The following PDE1A variants were observed in gnomAD, a reference collection of about 807,000 sequenced individuals.
PDE1A encodes phosphodiesterase 1A.
A neutral mutation model predicts 61.7 loss-of-function variants in PDE1A; 35 were observed. The observed-to-expected ratio is 0.57, with a 90% CI of 0.43 to 0.75. PDE1A has a LOEUF of 0.75. PDE1A is among the 30% of genes least tolerant of loss of function. PDE1A has a pLI of 0.00. For missense variants in PDE1A, 597 were observed against 630.6 expected (o/e 0.95, Z 0.57); for synonymous variants, 232 against 213.2 (o/e 1.09, Z -0.77).
intron 1 of PDE1A, among the ~76,000 whole-genome samples, chr2:182,342,234 C>T (rs1385501485): frequency 6.6e-6 from 1 of 152,124 alleles, no homozygotes; most frequent in Non-Finnish European, 1.5e-5. Flanking sequence ...GTAGACAAAT[C>T]AGAAAGTGTT....
chr2:182,538,650 A>T, the PDE1A span, among the ~76,000 whole-genome samples: 9 of 152,208 alleles, frequency 5.9e-5, no homozygotes, highest in Non-Finnish European at 1.0e-4. Context: ...TAAACAAGAG[A>T]AAAACTTCAA....
intron 8 of PDE1A, 85 bp from the exon 9 acceptor site, chr2:182,201,874 G>A: frequency 1.2e-6 from 1 of 816,138 alleles, no homozygotes; most frequent in Non-Finnish European, 2.0e-6. Flanking sequence ...CACTCACCAT[G>A]TTTTATAGTT....
At chr2:182,596,629 A>G in the PDE1A span, among the ~76,000 whole-genome samples, 2 of 152,212 alleles carry the variant, frequency 1.3e-5, no homozygotes, top group Admixed American at 6.5e-5. Flanking sequence ...GAGGGCCATC[A>G]GTAACTATGA....
At chr2:182,350,019 A>G (rs1698770776) in intron 1 of PDE1A, among the ~76,000 whole-genome samples, 2 of 152,184 alleles carry the variant, frequency 1.3e-5, no homozygotes, top group South Asian at 4.1e-4. Context: ...AGAAAATATT[A>G]TCAGGACACT....
At chr2:182,695,195 A>T in the PDE1A span, among the ~76,000 whole-genome samples, 2 of 152,150 alleles carry the variant, frequency 1.3e-5, no homozygotes. Flanking sequence ...TCCTAACAAC[A>T]AGTAAAAGGC....
intron 1 of PDE1A, among the ~76,000 whole-genome samples, chr2:182,343,912 C>T (rs1698356487): frequency 6.7e-6 from 1 of 150,288 alleles, no homozygotes; most frequent in Non-Finnish European, 1.5e-5. Context: ...TACTCTCACT[C>T]AGGCTGGAGT....
At chr2:182,532,385 A>C in the PDE1A span, among the ~76,000 whole-genome samples, 1 of 152,180 alleles carries the variant, frequency 6.6e-6, no homozygotes, top group South Asian at 2.1e-4. Flanking sequence ...GGAATGTTTA[A>C]ATTTTTTAAA....
In PDE1A at chr2:182,338,712, C is replaced by T. The variant is rs746739751; in HGVS notation, c.54-74298G>A. On this transcript the variant is annotated intron_variant, in intron 1 of 13. Coordinates refer to ENST00000351439, the Ensembl canonical transcript of PDE1A. ...CTAATTTTTGTATTTTTAGTAGAGA[C>T]GGGGTTTCACCATATTGGCCAGGCT... is the stretch of plus-strand genomic sequence containing the variant. Among the ~76,000 whole-genome samples the T allele has an allele frequency of 2.6e-5, 4 of 152,074 alleles. No homozygotes were observed. The South Asian group carries it at 6.2e-4, about 24-fold the overall frequency.
chr2:182,298,315 C>G (rs1026616017), intron 1 of PDE1A, among the ~76,000 whole-genome samples: 1 of 152,146 alleles, frequency 6.6e-6, no homozygotes, highest in Non-Finnish European at 1.5e-5. Context: ...TCACTGTAAA[C>G]TCAGGGCAAG....
chr2:182,159,218 T>C (rs1024703628), intron 13 of PDE1A, among the ~76,000 whole-genome samples: 4 of 152,350 alleles, frequency 2.6e-5, no homozygotes, highest in South Asian at 4.1e-4. Context: ...TTTTTTAGAA[T>C]CCTTCTTTCC....
chr2:182,698,908 G>A, the PDE1A span, among the ~76,000 whole-genome samples: 1 of 152,110 alleles, frequency 6.6e-6, no homozygotes, highest in Non-Finnish European at 1.5e-5. Context: ...CACTCGTGTG[G>A]GAGAACATAA....
At chr2:182,350,589 A>G (rs1316032986) in intron 1 of PDE1A, among the ~76,000 whole-genome samples, 3 of 152,152 alleles carry the variant, frequency 2.0e-5, no homozygotes, top group Non-Finnish European at 2.9e-5. Context: ...TCTTTCTTCC[A>G]TGATGTTTTT....
chr2:182,511,774 T>C (rs1180686895), intron 2 of PDE1A, among the ~76,000 whole-genome samples: 1 of 152,070 alleles, frequency 6.6e-6, no homozygotes, highest in African/African-American at 2.4e-5. Context: ...ACACACCCAT[T>C]TGCAGTGCAA....
At chr2:182,451,992 G>C (rs1294146395) in intron 2 of PDE1A, among the ~76,000 whole-genome samples, 2 of 150,594 alleles carry the variant, frequency 1.3e-5, no homozygotes, top group Admixed American at 6.6e-5. Context: ...TTTTTTATCT[G>C]AGTTTGTTTA....
chr2:182,363,385 A>G (rs940943623), intron 1 of PDE1A, among the ~76,000 whole-genome samples: 1 of 150,752 alleles, frequency 6.6e-6, no homozygotes, highest in African/African-American at 2.5e-5. Flanking sequence ...ACAATGAAGT[A>G]TATGATATAT....
chr2:182,704,819 T>C, the PDE1A span, among the ~76,000 whole-genome samples: 1 of 152,192 alleles, frequency 6.6e-6, no homozygotes, highest in South Asian at 2.1e-4. Context: ...CATTGTATAT[T>C]TAAGAATGAA....
At chr2:182,168,663 T>C (rs1691832650) in intron 13 of PDE1A, among the ~76,000 whole-genome samples, 1 of 152,106 alleles carries the variant, frequency 6.6e-6, no homozygotes, top group Non-Finnish European at 1.5e-5. Flanking sequence ...CTATTAATAT[T>C]GTCTGCTAAC....
chr2:182,437,383 C>A (rs181620832), intron 2 of PDE1A, among the ~76,000 whole-genome samples: 9 of 152,076 alleles, frequency 5.9e-5, no homozygotes, highest in African/African-American at 2.2e-4. Context: ...TTAAAACTCT[C>A]TACCTTTTCT....
intron 2 of PDE1A, among the ~76,000 whole-genome samples, chr2:182,503,482 AC>A (rs1308917704): frequency 2.0e-5 from 3 of 151,840 alleles, no homozygotes; most frequent in Non-Finnish European, 4.4e-5. Context: ...CCATCTCTCC[AC>A]ATTCAATTAT....
Sources: gnomAD v4.1 joint callset for allele counts (sites outside exome capture counted in the v4.1 genomes callset) on GRCh38, gnomAD v4.1.1 for gene constraint, MANE v1.5 for transcripts, NCBI Gene and HGNC (gene_info 2026-07-23, HGNC 2026-07-21) for gene names.